PSD2: variants seen among roughly 807,000 people sequenced by gnomAD.
PSD2 encodes the protein PH and SEC7 domain-containing protein 2.
In PSD2, 38 loss-of-function variants were observed where a neutral mutation model predicts 69.8. The ratio of observed to expected loss-of-function variants is 0.54; its 90% CI spans 0.42 to 0.71. The LOEUF (loss-of-function observed/expected upper bound fraction) is 0.71, where lower values mean the gene tolerates loss of function less well. PSD2 is among the 30% of genes least tolerant of loss of function. The pLI is 0.00. For missense variants in PSD2, 943 were observed against 1,014.5 expected, an observed-to-expected ratio of 0.93 and a Z score of 0.96; for synonymous variants, 412 against 423.0, an observed-to-expected ratio of 0.97 and a Z score of 0.32.
At chr5:139,773,834 A>T in the PSD2 span, among the ~76,000 whole-genome samples, 1 of 152,224 alleles carries the variant, frequency 6.6e-6, no homozygotes, top group Admixed American at 6.5e-5. Context: ...GAATATATCC[A>T]GATGGGGGAA....
intron 12 of PSD2, 83 bp from the exon 13 acceptor site, chr5:139,838,545 C>T (rs1297983267): frequency 6.7e-7 from 1 of 1,486,496 alleles, no homozygotes; most frequent in African/African-American, 1.4e-5. Flanking sequence ...CAGTGCCAGG[C>T]CCAGTGCTGG....
At chr5:139,836,464 T>A (rs1760720569) in intron 9 of PSD2, among the ~76,000 whole-genome samples, 1 of 152,178 alleles carries the variant, frequency 6.6e-6, no homozygotes, top group Non-Finnish European at 1.5e-5. Context: ...GCAGCTTCAG[T>A]CTGGCCACGG....
chr5:139,841,037 T>G (rs139988551), intron 14 of PSD2, among the ~76,000 whole-genome samples: 2 of 152,264 alleles, frequency 1.3e-5, no homozygotes, highest in East Asian at 3.9e-4. Flanking sequence ...CATTAAATAA[T>G]AACTTCCCAT....
At chr5:139,795,686 C>G (rs1759501444), upstream of PSD2, 1 of 151,658 alleles carries the variant, frequency 6.6e-6, no homozygotes. This position sits in a 1 kb window ranked among gnomAD's most constrained non-coding sequence, Gnocchi z 4.5. Context: ...GGCTGGGGGC[C>G]GCGCTTCCCT....
At chr5:139,775,321 T>G in the PSD2 span, 1 of 152,006 alleles carries the variant, frequency 6.6e-6, no homozygotes, top group African/African-American at 2.4e-5. Flanking sequence ...CGCCGAGCTA[T>G]GAGAGGAGGG....
At chr5:139,759,590 A>G in the PSD2 span, among the ~76,000 whole-genome samples, 1 of 152,304 alleles carries the variant, frequency 6.6e-6, no homozygotes, top group African/African-American at 2.4e-5. Context: ...GTTAATCTGC[A>G]GTGGCTGGAG....
At chr5:139,818,719 T>C (rs901327425) in intron 5 of PSD2, among the ~76,000 whole-genome samples, 3 of 152,206 alleles carry the variant, frequency 2.0e-5, no homozygotes, top group Non-Finnish European at 2.9e-5. Context: ...ATTTTCTGAA[T>C]TGCAAAATCA....
chr5:139,748,575 A>C, the PSD2 span, among the ~76,000 whole-genome samples: 3 of 152,178 alleles, frequency 2.0e-5, no homozygotes, highest in African/African-American at 4.8e-5. Context: ...CCCCCGGGCG[A>C]ACTCATGTGC....
chr5:139,785,019 A>T, the PSD2 span, among the ~76,000 whole-genome samples: 4 of 152,050 alleles, frequency 2.6e-5, no homozygotes, highest in Admixed American at 2.6e-4. Context: ...TCAGTCTCCC[A>T]AAGTGCTGGG....
chr5:139,776,114 G>A, the PSD2 span, among the ~76,000 whole-genome samples: 2 of 152,322 alleles, frequency 1.3e-5, no homozygotes, highest in African/African-American at 4.8e-5. Context: ...TAACGACACC[G>A]GCAGGATAAC....
the PSD2 span, among the ~76,000 whole-genome samples, chr5:139,743,104 G>T: frequency 0.16 from 24,531 of 152,126 alleles, 2,257 homozygotes; most frequent in African/African-American, 0.27. Context: ...GCCTCCCCTT[G>T]GTCCCTTTCC....
intron 1 of PSD2, among the ~76,000 whole-genome samples, chr5:139,808,747 C>T (rs1276591495): frequency 1.3e-5 from 2 of 152,190 alleles, no homozygotes; most frequent in African/African-American, 2.4e-5. Flanking sequence ...CGGGTGGCAC[C>T]GCCCACCCAG....
chr5:139,807,407 C>T (rs555325451), intron 1 of PSD2, among the ~76,000 whole-genome samples: 3 of 149,056 alleles, frequency 2.0e-5, no homozygotes, highest in African/African-American at 7.4e-5. Flanking sequence ...TGTTTCTCCT[C>T]CTCTGAGTAT....
intron 1 of PSD2, among the ~76,000 whole-genome samples, chr5:139,804,970 T>C (rs756181127): frequency 4.6e-5 from 7 of 151,268 alleles, no homozygotes; most frequent in East Asian, 3.9e-4. Flanking sequence ...TGTGTGCGTG[T>C]GTGCGTGCGT....
At chr5:139,786,025 G>A in the PSD2 span, among the ~76,000 whole-genome samples, 3 of 151,520 alleles carry the variant, frequency 2.0e-5, no homozygotes, top group Non-Finnish European at 2.9e-5. Flanking sequence ...GGAGTTTGAG[G>A]TTACAGTGAG....
chr5:139,764,613 C>T, the PSD2 span, among the ~76,000 whole-genome samples: 2 of 152,186 alleles, frequency 1.3e-5, no homozygotes, highest in Non-Finnish European at 1.5e-5. Context: ...CGCCCTCCCC[C>T]GGCGCCCCGC....
At chr5:139,808,082 G>A (rs1179000744) in intron 1 of PSD2, among the ~76,000 whole-genome samples, 1 of 152,198 alleles carries the variant, frequency 6.6e-6, no homozygotes, top group Non-Finnish European at 1.5e-5. Context: ...TGAACCCCCA[G>A]CATCCCTCTC....
the PSD2 span, among the ~76,000 whole-genome samples, chr5:139,765,973 C>G: frequency 6.6e-6 from 1 of 152,182 alleles, no homozygotes; most frequent in Non-Finnish European, 1.5e-5. Context: ...TCCCTGTCCT[C>G]CTTTTTTGGG....
intron 4 of PSD2, among the ~76,000 whole-genome samples, chr5:139,815,789 T>C (rs981768424): frequency 1.3e-5 from 2 of 151,542 alleles, no homozygotes; most frequent in African/African-American, 2.4e-5. Context: ...AGGTCAGGAG[T>C]TTGAGACCAG....
Sources: allele counts gnomAD v4.1 joint callset (sites outside exome capture counted in the v4.1 genomes callset), GRCh38; gene constraint gnomAD v4.1.1; non-coding constraint Gnocchi (gnomAD v3.1); transcripts MANE v1.5; gene names NCBI Gene and HGNC (gene_info 2026-07-23, HGNC 2026-07-21).